The following SLC13A4 variants were observed in gnomAD, a reference collection of about 807,000 sequenced individuals.
SLC13A4 encodes solute carrier family 13 member 4.
SLC13A4 carries 28 observed loss-of-function variants against 72.7 expected under a neutral mutation model. The observed-to-expected ratio is 0.39, with a 90% CI of 0.29 to 0.53. SLC13A4 has a LOEUF of 0.53. Ranked by LOEUF, SLC13A4 falls within the 20% of genes least tolerant of loss-of-function variation. The pLI is 0.78. For synonymous variants in SLC13A4, 312 were observed against 325.5 expected, an observed-to-expected ratio of 0.96 and a Z score of 0.45; for missense variants, 653 against 788.0, an observed-to-expected ratio of 0.83 and a Z score of 2.05.
In SLC13A4 at chr7:135,724,500, G is replaced by GA. The variant is rs5887740; in HGVS notation, c.99+2897dup. 4.5e-3 allele frequency among the ~76,000 whole-genome samples: 425 copies of GA among 94,414 alleles called. 2 individuals carry two copies. The highest frequency in any genetic ancestry group is 7.1e-3 in the Non-Finnish European group (345 of 48,908). The allele number at this position is 94,414 out of a possible 152,430, so 61.9% of individuals were successfully genotyped here. On this transcript the variant is annotated intron_variant, in intron 1 of 15. Coordinates refer to ENST00000682651, the MANE Select transcript of SLC13A4 (RefSeq NM_001318192.2). The stretch of plus-strand genomic sequence containing the variant: ...AGTGACAGAGTGAGACTCTGTCTCA[G>GA]AAAAAAAAAAAAAAAAAAAAAAGAA...
intron 3 of SLC13A4, 73 bp from the exon 4 acceptor site, chr7:135,706,373 A>T (rs1303166169): frequency 6.8e-6 from 10 of 1,477,798 alleles, no homozygotes; most frequent in South Asian, 1.3e-5. Flanking sequence ...TGGGCCTCCT[A>T]CCAACCTGCT....
chr7:135,682,437 A>C (rs534525737), intron 15 of SLC13A4, among the ~76,000 whole-genome samples: 2 of 152,376 alleles, frequency 1.3e-5, no homozygotes, highest in African/African-American at 2.4e-5. Context: ...CCAGGCATAT[A>C]GCATGTAGCC....
intron 15 of SLC13A4, among the ~76,000 whole-genome samples, chr7:135,683,167 C>T (rs920669256): frequency 3.3e-5 from 5 of 151,548 alleles, no homozygotes; most frequent in South Asian, 4.2e-4. Context: ...GGCATGGAGG[C>T]GCACACCTGT....
intron 2 of SLC13A4, among the ~76,000 whole-genome samples, chr7:135,713,696 G>A (rs907644665): frequency 1.4e-4 from 22 of 152,132 alleles, no homozygotes; most frequent in Non-Finnish European, 4.4e-5. Flanking sequence ...TCCTGCCTCA[G>A]CCTTCCCGGT....
intron 1 of SLC13A4, 25 bp downstream of exon 1, chr7:135,727,373 C>T (rs781520954): frequency 1.2e-4 from 189 of 1,546,096 alleles, no homozygotes; most frequent in Admixed American, 2.2e-4. Context: ...TCCCAGACCC[C>T]CGGTGGGCGC....
At chr7:135,715,922 T>A (rs1796424079) in intron 2 of SLC13A4, among the ~76,000 whole-genome samples, 1 of 152,126 alleles carries the variant, frequency 6.6e-6, no homozygotes, top group African/African-American at 2.4e-5. Flanking sequence ...GCTCACAAGA[T>A]CATAGAGGGA....
chr7:135,695,654 A>G (rs1444227880), intron 8 of SLC13A4, among the ~76,000 whole-genome samples, 167 bp from the exon 9 acceptor site: 2 of 152,230 alleles, frequency 1.3e-5, no homozygotes, highest in Non-Finnish European at 2.9e-5. Context: ...GACAGTTGCA[A>G]TTGTACAGAG....
intron 7 of SLC13A4, among the ~76,000 whole-genome samples, chr7:135,700,108 C>T (rs549414762): frequency 6.6e-6 from 1 of 152,260 alleles, no homozygotes; most frequent in East Asian, 1.9e-4. Context: ...ACATAAAAAC[C>T]CTAGTCTTCA....
chr7:135,698,898 G>T (rs761528573), intron 8 of SLC13A4, among the ~76,000 whole-genome samples: 1 of 152,136 alleles, frequency 6.6e-6, no homozygotes. Context: ...CTCCCAAAGC[G>T]CTGGGATTAC....
chr7:135,685,492 C>G (rs1795601527), intron 14 of SLC13A4, 30 bp downstream of exon 14: 1 of 1,605,988 alleles, frequency 6.2e-7, no homozygotes. Flanking sequence ...GACAGCCTGT[C>G]TGGATGTCTG....
chr7:135,716,086 A>G lies in SLC13A4; in HGVS notation c.228+5309T>C, dbSNP rs967831497. 1.8e-4 allele frequency among the ~76,000 whole-genome samples: 28 copies of G among 152,042 alleles called. 1 individual carries two copies. The highest frequency in any genetic ancestry group is 3.8e-4 in the Non-Finnish European group (26 of 68,008). ...TTTATACAGAACGGGAAATTCCTTTATGGCACTCTGACTCTGGTTCTGGTG... is the reference window on the plus strand; with the variant it reads ...TTTATACAGAACGGGAAATTCCTTTGTGGCACTCTGACTCTGGTTCTGGTG... On this transcript the variant is annotated intron_variant, in intron 2 of 15. Transcript: ENST00000682651.
intron 2 of SLC13A4, among the ~76,000 whole-genome samples, chr7:135,709,939 T>C (rs1048189303): frequency 6.6e-6 from 1 of 152,214 alleles, no homozygotes; most frequent in Non-Finnish European, 1.5e-5. Flanking sequence ...CAACTAAATT[T>C]TTCGGCTGTG....
chr7:135,719,956 GGAGAGA>G (rs10700387), intron 2 of SLC13A4, among the ~76,000 whole-genome samples: 1 of 135,906 alleles, frequency 7.4e-6, no homozygotes, highest in African/African-American at 2.8e-5. Flanking sequence ...GGAGTTGGGG[GGAGAGA>G]GAGAGAGAGA....
chr7:135,689,489 T>C (rs1352955221), intron 13 of SLC13A4, among the ~76,000 whole-genome samples: 3 of 152,186 alleles, frequency 2.0e-5, no homozygotes, highest in Admixed American at 6.5e-5. Flanking sequence ...TTGGGTAATA[T>C]AACTACTCTA....
At position 135,691,439 on chromosome 7, in the gene SLC13A4, C is replaced by T. The variant is rs548478981; in HGVS notation, c.1321+109G>A. On this transcript the variant is annotated intron_variant, in intron 12 of 15. Transcript: ENST00000682651. ...GGATACTGCTATTTGGGGCGGGGGCCGGGAGGGGGGTGGGAATCTGAAGGA... is the reference window on the plus strand; with the variant it reads ...GGATACTGCTATTTGGGGCGGGGGCTGGGAGGGGGGTGGGAATCTGAAGGA... The T allele has an allele frequency of 2.5e-4, 218 of 885,148 alleles. 1 individual carries two copies. The African/African-American group carries it at 4.7e-3, about 19-fold the overall frequency. 54.8% of individuals were successfully genotyped at this position (885,148 alleles called of 1,614,324 possible). A position where few individuals can be genotyped will look rare whatever the true frequency, so the allele number is the denominator to read the frequency against.
intron 2 of SLC13A4, among the ~76,000 whole-genome samples, chr7:135,710,320 C>A (rs1011018825): frequency 6.6e-6 from 1 of 152,042 alleles, no homozygotes; most frequent in Non-Finnish European, 1.5e-5. Context: ...AAAATCTTCC[C>A]GGGAGGCAGA....
At chr7:135,682,473 G>A (rs2129493615) in intron 15 of SLC13A4, among the ~76,000 whole-genome samples, 1 of 152,380 alleles carries the variant, frequency 6.6e-6, no homozygotes, top group South Asian at 2.1e-4. Context: ...CTGGCATTAA[G>A]TTGGGAAAAT....
In SLC13A4 at chr7:135,721,543, G is replaced by T. The variant is rs751484663; in HGVS notation, c.100-20C>A. The T allele has an allele frequency of 1.2e-6, 2 of 1,613,180 alleles. No individual in the cohort carries two copies. The highest frequency in any genetic ancestry group is 2.2e-5 in the South Asian group (2 of 91,050). ...GGCCTCCTGCAAGGCAAGGAAAGGG[G>T]CCGTCATTCACAGGAATAGTCACTG... On this transcript the variant is annotated intron_variant, in intron 1 of 15. Coordinates refer to ENST00000682651, the MANE Select transcript of SLC13A4 (RefSeq NM_001318192.2).
chr7:135,695,151 C>A (rs933241644), intron 9 of SLC13A4, among the ~76,000 whole-genome samples: 7 of 152,212 alleles, frequency 4.6e-5, no homozygotes, highest in African/African-American at 1.7e-4. Flanking sequence ...AAGAACATTT[C>A]GTTGTAGAGC....
Sources: gnomAD v4.1 joint callset for allele counts (sites outside exome capture counted in the v4.1 genomes callset) on GRCh38, gnomAD v4.1.1 for gene constraint, MANE v1.5 for transcripts, NCBI Gene and HGNC (gene_info 2026-07-23, HGNC 2026-07-21) for gene names.